ZNF678: variants seen among roughly 807,000 people sequenced by gnomAD.
The protein encoded by ZNF678 is zinc finger protein 678, also known as hypothetical protein MGC42493.
In ZNF678, 5 loss-of-function variants were observed where a neutral mutation model predicts 3.0. That is an observed-to-expected ratio of 1.69 (90% CI 0.88 to 3.56). The LOEUF (loss-of-function observed/expected upper bound fraction) is 3.56. Ranked by LOEUF, ZNF678 falls within the 30% of genes most tolerant of loss-of-function variation. ZNF678 has a pLI of 0.00. For synonymous variants in ZNF678, 218 were observed against 199.6 expected (o/e 1.09, Z -0.78); for missense variants, 593 against 605.0 (o/e 0.98, Z 0.21).
intron 1 of ZNF678, among the ~76,000 whole-genome samples, chr1:227,594,612 G>A (rs1428077705): frequency 6.6e-6 from 1 of 152,156 alleles, no homozygotes; most frequent in Non-Finnish European, 1.5e-5. Context: ...AAAATTTATA[G>A]TCTTATGCCT....
At chr1:227,595,004 T>C (rs1047623549) in intron 1 of ZNF678, among the ~76,000 whole-genome samples, 2 of 152,198 alleles carry the variant, frequency 1.3e-5, no homozygotes, top group African/African-American at 4.8e-5. Context: ...TTAAGGACTT[T>C]TGATAGGAAA....
At chr1:227,604,530 A>C (rs1282654543) in intron 1 of ZNF678, among the ~76,000 whole-genome samples, 1 of 151,930 alleles carries the variant, frequency 6.6e-6, no homozygotes, top group Non-Finnish European at 1.5e-5. Context: ...GGACTACAGG[A>C]TGTACCACCC....
intron 1 of ZNF678, among the ~76,000 whole-genome samples, chr1:227,612,849 A>G (rs941299316): frequency 1.3e-5 from 2 of 151,940 alleles, no homozygotes; most frequent in African/African-American, 4.8e-5. Context: ...TGTGGGTGAC[A>G]CCTACAACCT....
chr1:227,651,162 GT>G, intron 3 of ZNF678, 86 bp downstream of exon 3: 1 of 1,455,422 alleles, frequency 6.9e-7, no homozygotes, highest in African/African-American at 1.4e-5. Flanking sequence ...GAGTCCTAAG[GT>G]TGTTGGCAGG....
chr1:227,667,210 A>G (rs1659517636), downstream of ZNF678, among the ~76,000 whole-genome samples: 1 of 151,676 alleles, frequency 6.6e-6, no homozygotes, highest in Non-Finnish European at 1.5e-5. Flanking sequence ...CACCCAGCTA[A>G]TTTTTTGTAG....
chr1:227,666,492 T>G (rs1659505325), downstream of ZNF678, among the ~76,000 whole-genome samples: 2 of 152,200 alleles, frequency 1.3e-5, no homozygotes, highest in South Asian at 4.1e-4. Flanking sequence ...TTAACAAGCT[T>G]AACTGAGGTA....
At chr1:227,677,759 C>T (rs1163061109), downstream of ZNF678, among the ~76,000 whole-genome samples, 9 of 152,308 alleles carry the variant, frequency 5.9e-5, no homozygotes, top group East Asian at 1.5e-3. Context: ...CATCACCCTG[C>T]CCCAGCTGGG....
chr1:227,641,969 C>T (rs1021543803), intron 1 of ZNF678, among the ~76,000 whole-genome samples: 1 of 152,154 alleles, frequency 6.6e-6, no homozygotes, highest in Admixed American at 6.5e-5. Flanking sequence ...ATTCCTGCCC[C>T]TCAAAGACCT....
chr1:227,675,864 G>C (rs1021604402), intron 5 of ZNF678, among the ~76,000 whole-genome samples: 4 of 152,174 alleles, frequency 2.6e-5, no homozygotes, highest in Non-Finnish European at 5.9e-5. Context: ...GTAAACTCAT[G>C]TTAAGAATGC....
downstream of ZNF678, among the ~76,000 whole-genome samples, chr1:227,662,700 A>C (rs541178381): frequency 7.6e-4 from 115 of 152,284 alleles, 1 homozygote; most frequent in South Asian, 1.2e-3. Flanking sequence ...GATTGGCAAA[A>C]AATTAAGTCT....
At chr1:227,644,369 G>A (rs751531635) in intron 1 of ZNF678, among the ~76,000 whole-genome samples, 1 of 152,156 alleles carries the variant, frequency 6.6e-6, no homozygotes, top group Non-Finnish European at 1.5e-5. Context: ...CATAAACATG[G>A]CATTAATGTT....
downstream of ZNF678, among the ~76,000 whole-genome samples, chr1:227,678,044 C>T (rs1659713094): frequency 6.6e-6 from 1 of 152,186 alleles, no homozygotes; most frequent in African/African-American, 2.4e-5. Flanking sequence ...TAATCAAGAA[C>T]TCAACCTCCC....
Sources: allele counts gnomAD v4.1 joint callset (sites outside exome capture counted in the v4.1 genomes callset), GRCh38; gene constraint gnomAD v4.1.1; transcripts MANE v1.5; gene names NCBI Gene and HGNC (gene_info 2026-07-23, HGNC 2026-07-21).